Variants in CNTNAP2 observed in about 807,000 individuals in gnomAD.
The protein encoded by CNTNAP2 is contactin-associated protein-like 2.
CNTNAP2 carries 98 observed loss-of-function variants against 155.2 expected under a neutral mutation model. The ratio of observed to expected loss-of-function variants is 0.63; its 90% CI spans 0.54 to 0.75. CNTNAP2 has a LOEUF of 0.75. Ranked by LOEUF, CNTNAP2 falls within the 30% of genes least tolerant of loss-of-function variation. The pLI, the probability that CNTNAP2 is intolerant of heterozygous loss-of-function variation, is 0.00. For missense variants in CNTNAP2, 1,727 were observed against 1,688.1 expected, an observed-to-expected ratio of 1.02 and a Z score of -0.40; for synonymous variants, 651 against 631.2, an observed-to-expected ratio of 1.03 and a Z score of -0.47.
At chr7:147,625,579 A>G (rs965320391) in intron 12 of CNTNAP2, among the ~76,000 whole-genome samples, 3 of 144,930 alleles carry the variant, frequency 2.1e-5, no homozygotes, top group African/African-American at 7.7e-5. Context: ...TAAAATGTCA[A>G]TTACCAAAGA....
chr7:146,156,150 A>T (rs1183222880), intron 1 of CNTNAP2, among the ~76,000 whole-genome samples: 1 of 152,214 alleles, frequency 6.6e-6, no homozygotes, highest in East Asian at 1.9e-4. Flanking sequence ...GTGGTATCTA[A>T]AGATAATGAC....
chr7:146,361,579 T>C (rs1795083383), intron 1 of CNTNAP2, among the ~76,000 whole-genome samples: 1 of 152,164 alleles, frequency 6.6e-6, no homozygotes, highest in African/African-American at 2.4e-5. Flanking sequence ...GGAGGTAAAT[T>C]GCTAAATGGT....
intron 21 of CNTNAP2, among the ~76,000 whole-genome samples, chr7:148,330,484 ATGGAG>A: frequency 6.7e-6 from 1 of 150,366 alleles, no homozygotes; most frequent in Non-Finnish European, 1.5e-5. Flanking sequence ...AAGTGGACGG[ATGGAG>A]TGGATGGATG....
chr7:146,696,885 A>T (rs1355139852), intron 1 of CNTNAP2, among the ~76,000 whole-genome samples: 1 of 152,164 alleles, frequency 6.6e-6, no homozygotes, highest in Non-Finnish European at 1.5e-5. Context: ...ACTTTAAATA[A>T]CTTCAATAGT....
At chr7:147,072,847 T>C (rs1799921266) in intron 4 of CNTNAP2, among the ~76,000 whole-genome samples, 1 of 102,230 alleles carries the variant, frequency 9.8e-6, no homozygotes, top group African/African-American at 3.4e-5. Context: ...CTTCCTTTAT[T>C]CTTTTTTTTT....
intron 7 of CNTNAP2, among the ~76,000 whole-genome samples, chr7:147,131,693 A>T (rs1344164318): frequency 6.6e-6 from 1 of 152,134 alleles, no homozygotes; most frequent in Non-Finnish European, 1.5e-5. Flanking sequence ...AAAACTTAAT[A>T]TCTATCTATC....
At chr7:147,627,011 C>G (rs931345517) in intron 12 of CNTNAP2, among the ~76,000 whole-genome samples, 1 of 152,124 alleles carries the variant, frequency 6.6e-6, no homozygotes, top group Non-Finnish European at 1.5e-5. Context: ...AGACATTCCC[C>G]AGCACCAGTC....
At chr7:147,743,155 G>A (rs980130354) in intron 13 of CNTNAP2, among the ~76,000 whole-genome samples, 4 of 152,122 alleles carry the variant, frequency 2.6e-5, no homozygotes, top group Non-Finnish European at 4.4e-5. Flanking sequence ...TTTAATTTAG[G>A]AGTAACACGA....
intron 1 of CNTNAP2, among the ~76,000 whole-genome samples, chr7:146,173,408 T>A (rs1798423401): frequency 6.6e-6 from 1 of 152,116 alleles, no homozygotes; most frequent in Non-Finnish European, 1.5e-5. Context: ...ATTTAGAAAA[T>A]AAATTGATGT....
chr7:147,607,557 G>A (rs1431557690), intron 12 of CNTNAP2, among the ~76,000 whole-genome samples: 4 of 152,136 alleles, frequency 2.6e-5, no homozygotes, highest in Non-Finnish European at 5.9e-5. Context: ...AACACAGCCC[G>A]CAGTGCCCCC....
intron 1 of CNTNAP2, among the ~76,000 whole-genome samples, chr7:146,647,864 G>A (rs970761533): frequency 4.6e-5 from 7 of 152,094 alleles, no homozygotes; most frequent in African/African-American, 7.2e-5. Flanking sequence ...AAGGGTTCCC[G>A]TGTATAAAGA....
At chr7:147,008,539 A>C (rs895120671) in intron 3 of CNTNAP2, among the ~76,000 whole-genome samples, 1 of 152,044 alleles carries the variant, frequency 6.6e-6, no homozygotes, top group Non-Finnish European at 1.5e-5. Flanking sequence ...ATTAGTTAAC[A>C]AAAGAAAACA....
intron 19 of CNTNAP2, among the ~76,000 whole-genome samples, chr7:148,217,809 G>T (rs1795672493): frequency 6.6e-6 from 1 of 152,222 alleles, no homozygotes; most frequent in Non-Finnish European, 1.5e-5. Context: ...CATGTGTAAT[G>T]ATTATTTTTT....
At chr7:146,886,294 AAT>A (rs1795658894) in intron 3 of CNTNAP2, among the ~76,000 whole-genome samples, 1 of 151,080 alleles carries the variant, frequency 6.6e-6, no homozygotes, top group African/African-American at 2.4e-5. Flanking sequence ...AAAAGAAAGA[AAT>A]ATCTTTATAC....
intron 2 of CNTNAP2, among the ~76,000 whole-genome samples, chr7:146,809,301 G>T (rs1803022576): frequency 6.6e-6 from 1 of 152,088 alleles, no homozygotes. Flanking sequence ...GCATTTCTCT[G>T]ATAATTAGCA....
rs138387435 is a variant in CNTNAP2, at chr7:147,776,854, T to C, written c.2099-126711T>C. Among the ~76,000 whole-genome samples the C allele has an allele frequency of 3.2e-3, 491 of 152,084 alleles. 6 individuals are homozygous for C. The highest frequency in any genetic ancestry group is 0.011 in the African/African-American group (463 of 41,538). On this transcript the variant is annotated intron_variant, in intron 13 of 23. Transcript: ENST00000361727. ...TCTTTCTTTAATGAGTCCTTCCTAA[T>C]GATGTTTTATTTTTCACACTTTTAT...
intron 15 of CNTNAP2, among the ~76,000 whole-genome samples, chr7:148,004,536 T>C (rs953125925): frequency 1.3e-5 from 2 of 152,202 alleles, no homozygotes; most frequent in African/African-American, 4.8e-5. Flanking sequence ...TTTGTTCATT[T>C]ACATACAAGT....
intron 12 of CNTNAP2, among the ~76,000 whole-genome samples, chr7:147,614,637 C>A (rs1271750211): frequency 6.6e-6 from 1 of 151,132 alleles, no homozygotes; most frequent in Non-Finnish European, 1.5e-5. Context: ...GTTTTACTTT[C>A]TTTTTCTAAT....
chr7:146,859,425 G>A lies in CNTNAP2; in HGVS notation c.402+19521G>A, dbSNP rs1795053829. ...TAGTCCCAGCACTTTGGGAGGCCAA[G>A]GCGGTTGGATCACCTGAGGCCGGGA... On this transcript the variant is annotated intron_variant, in intron 3 of 23. Coordinates refer to ENST00000361727, the MANE Select transcript of CNTNAP2 (RefSeq NM_014141.6). Among the ~76,000 whole-genome samples the A allele has an allele frequency of 3.3e-5, 5 of 152,278 alleles. No homozygotes were observed. In the South Asian group the frequency reaches 8.3e-4, roughly 25 times the overall value.
Sources: gnomAD v4.1 joint callset for allele counts (sites outside exome capture counted in the v4.1 genomes callset) on GRCh38, gnomAD v4.1.1 for gene constraint, MANE v1.5 for transcripts, NCBI Gene and HGNC (gene_info 2026-07-23, HGNC 2026-07-21) for gene names.